UNC79: variants seen among roughly 807,000 people sequenced by gnomAD.
The protein encoded by UNC79 is unc-79 subunit of NALCN channel complex.
UNC79 carries 37 observed loss-of-function variants against 283.1 expected under a neutral mutation model. That is an observed-to-expected ratio of 0.13 (90% CI 0.10 to 0.17). UNC79 has a LOEUF of 0.17. UNC79 is among the 10% of genes least tolerant of loss of function. The pLI is 1.00. For synonymous variants in UNC79, 1,107 were observed against 1,200.2 expected (o/e 0.92, Z 1.61); for missense variants, 2,272 against 3,211.1 (o/e 0.71, Z 7.07).
intron 22 of UNC79, among the ~76,000 whole-genome samples, chr14:93,591,383 A>C (rs555417828): frequency 6.6e-6 from 1 of 152,290 alleles, no homozygotes; most frequent in Non-Finnish European, 1.5e-5. Context: ...CTCTTCCCCA[A>C]AACTTAACCT....
rs1404769599 is a variant in UNC79 at position 93,430,843 on chromosome 14, C to T, written c.-187C>T. On this transcript the variant is annotated 5_prime_UTR_variant, in exon 1 of 49. Coordinates refer to ENST00000555664, the Ensembl canonical transcript of UNC79. The surrounding 1 kb of genome is among the most constrained non-coding windows in gnomAD (Gnocchi z 4.6). Reference sequence around the variant, plus strand: ...CTCCGGGGGCGATTTCCTAACCTTCCGGGACCGAATTCTGCAATTTGATGT... The same window carrying T: ...CTCCGGGGGCGATTTCCTAACCTTCTGGGACCGAATTCTGCAATTTGATGT... 3 of 516,320 alleles carry T rather than the reference C, an allele frequency of 5.8e-6. No individual in the cohort carries two copies. Among genetic ancestry groups the T allele is most frequent in the Admixed American group, 3.1e-5 (1 of 32,460 alleles). The allele number at this position is 516,320 out of a possible 1,614,324, so 32.0% of individuals were successfully genotyped here.
chr14:93,409,077 T>C (rs2055284115), intron 1 of UNC79, among the ~76,000 whole-genome samples: 1 of 152,306 alleles, frequency 6.6e-6, no homozygotes, highest in South Asian at 2.1e-4. Context: ...TCTTATCCAA[T>C]GTAGTAAGAT....
chr14:93,574,838 T>C (rs2063386692), intron 16 of UNC79, among the ~76,000 whole-genome samples: 1 of 151,980 alleles, frequency 6.6e-6, no homozygotes, highest in Non-Finnish European at 1.5e-5. Flanking sequence ...AAGAACATGG[T>C]GACCTATTGG....
chr14:93,583,327 A>T (rs922244941), intron 20 of UNC79, among the ~76,000 whole-genome samples: 9 of 151,528 alleles, frequency 5.9e-5, no homozygotes, highest in African/African-American at 7.3e-5. Flanking sequence ...CAAAAAAAAA[A>T]AAAATAATAA....
chr14:93,695,353 G>A (rs1016097220), intron 47 of UNC79, among the ~76,000 whole-genome samples: 1 of 152,108 alleles, frequency 6.6e-6, no homozygotes, highest in African/African-American at 2.4e-5. Flanking sequence ...ACTATGCTGA[G>A]GAAAAGCAGC....
At chr14:93,627,573 C>G (rs536943467) in intron 30 of UNC79, among the ~76,000 whole-genome samples, 1 of 152,314 alleles carries the variant, frequency 6.6e-6, no homozygotes, top group African/African-American at 2.4e-5. Context: ...CACAAAAGAA[C>G]AAGCCGTGTT....
chr14:93,613,408 T>C (rs1017406614), intron 27 of UNC79, among the ~76,000 whole-genome samples: 1 of 151,906 alleles, frequency 6.6e-6, no homozygotes, highest in Non-Finnish European at 1.5e-5. Context: ...ATCATTTTAC[T>C]ATATTTGGTT....
chr14:93,511,194 C>A (rs762384522), intron 7 of UNC79, among the ~76,000 whole-genome samples: 1 of 152,092 alleles, frequency 6.6e-6, no homozygotes, highest in Non-Finnish European at 1.5e-5. Context: ...TCCACTCCCA[C>A]GATCTAGTCA....
chr14:93,412,815 A>G (rs1403039636), intron 1 of UNC79, among the ~76,000 whole-genome samples: 3 of 152,166 alleles, frequency 2.0e-5, no homozygotes, highest in Non-Finnish European at 4.4e-5. Flanking sequence ...AACATGAAGG[A>G]GAAATACCTT....
rs117891367 is a variant in UNC79 at position 93,542,337 on chromosome 14, A to C, written c.1525-129A>C. ...TTCTGGATAAGCGATCCCCATTTTT[A>C]AAACTGCCTATTTCAAACAGATTAT... On this transcript the variant is annotated intron_variant, in intron 13 of 48. Transcript: ENST00000555664. The C allele has an allele frequency of 1.5e-4, 140 of 923,498 alleles. 1 individual carries two copies. In the East Asian group the frequency reaches 3.4e-3, roughly 23 times the overall value. 57.2% of individuals were successfully genotyped at this position (923,498 alleles called of 1,614,324 possible). A position where few individuals can be genotyped will look rare whatever the true frequency, so the allele number is the denominator to read the frequency against.
upstream of UNC79, among the ~76,000 whole-genome samples, chr14:93,426,375 G>A (rs1360370013): frequency 6.7e-6 from 1 of 150,292 alleles, no homozygotes; most frequent in Non-Finnish European, 1.5e-5. Context: ...AATTTTTTTT[G>A]TCACCAAATT....
chr14:93,681,281 C>A (rs567157126), intron 41 of UNC79, among the ~76,000 whole-genome samples: 2 of 152,186 alleles, frequency 1.3e-5, no homozygotes, highest in Non-Finnish European at 2.9e-5. Context: ...CATATACTTA[C>A]GTGCTTTCCA....
intron 18 of UNC79, among the ~76,000 whole-genome samples, chr14:93,578,863 G>C (rs1199388512): frequency 1.3e-5 from 2 of 152,146 alleles, no homozygotes; most frequent in African/African-American, 2.4e-5. Flanking sequence ...CTTTGATTAA[G>C]GAACAATCTA....
At chr14:93,590,063 T>G (rs556042719) in intron 22 of UNC79, among the ~76,000 whole-genome samples, 2 of 152,138 alleles carry the variant, frequency 1.3e-5, no homozygotes, top group Non-Finnish European at 2.9e-5. Flanking sequence ...GCTGCCTCAC[T>G]CCAATCTTTG....
At chr14:93,600,069 G>A (rs1257654585) in intron 24 of UNC79, among the ~76,000 whole-genome samples, 3 of 151,948 alleles carry the variant, frequency 2.0e-5, no homozygotes, top group Non-Finnish European at 4.4e-5. Flanking sequence ...GCGTGGTGGC[G>A]GGCGCCTGTA....
chr14:93,611,054 A>C (rs920005035), intron 26 of UNC79, among the ~76,000 whole-genome samples: 1 of 152,190 alleles, frequency 6.6e-6, no homozygotes, highest in African/African-American at 2.4e-5. Context: ...CTAGCCTCTC[A>C]TTGAAATAGG....
intron 1 of UNC79, among the ~76,000 whole-genome samples, chr14:93,368,742 G>T (rs1482927820): frequency 2.6e-5 from 4 of 152,128 alleles, no homozygotes; most frequent in African/African-American, 9.7e-5. Flanking sequence ...AAAGTGCGGG[G>T]ATTACAGGCA....
chr14:93,517,915 GTGTC>G (rs1273255894), intron 7 of UNC79, among the ~76,000 whole-genome samples: 1 of 102,012 alleles, frequency 9.8e-6, no homozygotes, highest in Admixed American at 1.3e-4. Context: ...GTGTGTGTGT[GTGTC>G]TGTGTGTGTG....
At chr14:93,417,907 C>T (rs1178922023) in intron 1 of UNC79, among the ~76,000 whole-genome samples, 1 of 151,708 alleles carries the variant, frequency 6.6e-6, no homozygotes, top group Non-Finnish European at 1.5e-5. Context: ...ATTGGTTATT[C>T]TAGTTATACA....
Sources: allele counts gnomAD v4.1 joint callset (sites outside exome capture counted in the v4.1 genomes callset), GRCh38; gene constraint gnomAD v4.1.1; non-coding constraint Gnocchi (gnomAD v3.1); transcripts MANE v1.5; gene names NCBI Gene and HGNC (gene_info 2026-07-23, HGNC 2026-07-21).